Variants in UNC5D observed in about 807,000 individuals in gnomAD.
UNC5D encodes netrin receptor UNC5D.
UNC5D carries 39 observed loss-of-function variants against 105.4 expected under a neutral mutation model. The ratio of observed to expected loss-of-function variants is 0.37; its 90% CI spans 0.29 to 0.48. The LOEUF (loss-of-function observed/expected upper bound fraction) is 0.48. Ranked by LOEUF, UNC5D falls within the 20% of genes least tolerant of loss-of-function variation. UNC5D has a pLI of 0.98. For synonymous variants in UNC5D, 452 were observed against 450.4 expected (o/e 1.00, Z -0.04); for missense variants, 991 against 1,202.4 (o/e 0.82, Z 2.60).
intron 1 of UNC5D, among the ~76,000 whole-genome samples, chr8:35,388,076 T>A (rs1344524300): frequency 6.6e-6 from 1 of 152,082 alleles, no homozygotes; most frequent in Non-Finnish European, 1.5e-5. Flanking sequence ...CAGATTTTTA[T>A]TAAGAAGGAA....
At position 35,753,213 on chromosome 8, in the gene UNC5D, A is replaced by G. The variant is rs1586589185; in HGVS notation, c.2163+2404A>G. Among the ~76,000 whole-genome samples, 3 of 152,298 alleles carry G rather than the reference A, an allele frequency of 2.0e-5. No individual in the cohort carries two copies. In the South Asian group the frequency reaches 6.2e-4, roughly 32 times the overall value. On this transcript the variant is annotated intron_variant, in intron 13 of 16. Transcript: ENST00000404895. ...AGAATCTTTTTAGACAGTGCTAGGGAGAATGTTATTCTCCCTCTAATTGAA... is the reference window on the plus strand; with the variant it reads ...AGAATCTTTTTAGACAGTGCTAGGGGGAATGTTATTCTCCCTCTAATTGAA...
At chr8:35,752,855 T>C (rs566680359) in intron 13 of UNC5D, among the ~76,000 whole-genome samples, 40 of 152,292 alleles carry the variant, frequency 2.6e-4, no homozygotes, top group Non-Finnish European at 1.5e-4. Context: ...CCATGGAGCA[T>C]CATGGAAGAT....
chr8:35,415,543 C>T (rs1183114141), intron 1 of UNC5D, among the ~76,000 whole-genome samples: 4 of 152,088 alleles, frequency 2.6e-5, no homozygotes, highest in South Asian at 2.1e-4. Context: ...TTTCTTGAAT[C>T]GTCTCCCCCT....
chr8:35,699,919 T>C (rs1827067863), intron 7 of UNC5D, among the ~76,000 whole-genome samples: 1 of 152,232 alleles, frequency 6.6e-6, no homozygotes, highest in Non-Finnish European at 1.5e-5. Flanking sequence ...TCTGCATTTT[T>C]AATCACTGAA....
intron 13 of UNC5D, among the ~76,000 whole-genome samples, chr8:35,757,632 G>T (rs925812827): frequency 6.6e-6 from 1 of 152,112 alleles, no homozygotes. Flanking sequence ...TCACAACATT[G>T]TAAGTTTCCT....
rs542110161 is a variant in UNC5D at position 35,424,574 on chromosome 8, A to T, written c.104-124718A>T. Among the ~76,000 whole-genome samples, 5 of 152,174 alleles carry T rather than the reference A, an allele frequency of 3.3e-5. No homozygotes were observed. The South Asian group carries it at 1.0e-3, about 32-fold the overall frequency. On this transcript the variant is annotated intron_variant, in intron 1 of 16. Coordinates refer to ENST00000404895, the MANE Select transcript of UNC5D (RefSeq NM_080872.4). ...AATCTTCTACAAAGCTTTAAAAAACAAGATTCCCTAGACCCCATTCCTAGA... is the reference window on the plus strand; with the variant it reads ...AATCTTCTACAAAGCTTTAAAAAACTAGATTCCCTAGACCCCATTCCTAGA...
At chr8:35,678,570 C>T (rs983758270) in intron 4 of UNC5D, among the ~76,000 whole-genome samples, 2 of 152,052 alleles carry the variant, frequency 1.3e-5, no homozygotes, top group African/African-American at 4.8e-5. Flanking sequence ...CCAATGTTTA[C>T]GTTAAGCATA....
intron 1 of UNC5D, among the ~76,000 whole-genome samples, chr8:35,295,443 A>G (rs939883535): frequency 6.6e-6 from 1 of 152,194 alleles, no homozygotes; most frequent in Non-Finnish European, 1.5e-5. Context: ...AAACATCTGC[A>G]TATAAGTGGA....
chr8:35,235,976 C>T (rs912554756), intron 1 of UNC5D, 89 bp downstream of exon 1: 1 of 1,135,032 alleles, frequency 8.8e-7, no homozygotes, highest in African/African-American at 1.6e-5. Flanking sequence ...GCGTTGGCTT[C>T]CCAACTTGCG....
At chr8:35,294,260 C>T (rs1318283772) in intron 1 of UNC5D, among the ~76,000 whole-genome samples, 1 of 152,200 alleles carries the variant, frequency 6.6e-6, no homozygotes, top group East Asian at 1.9e-4. Flanking sequence ...AATTTCTTCT[C>T]TTCTTTACTA....
intron 1 of UNC5D, among the ~76,000 whole-genome samples, chr8:35,487,802 G>A (rs1484597414): frequency 6.6e-6 from 1 of 152,162 alleles, no homozygotes; most frequent in Non-Finnish European, 1.5e-5. Context: ...GGACATAAAA[G>A]GAGCTTCTGA....
intron 4 of UNC5D, among the ~76,000 whole-genome samples, chr8:35,667,479 CA>C (rs1178869869): frequency 6.6e-6 from 1 of 152,124 alleles, no homozygotes; most frequent in Non-Finnish European, 1.5e-5. Context: ...CTTCTACTGA[CA>C]ACTAACTGGC....
At chr8:35,286,222 A>G (rs2128856201) in intron 1 of UNC5D, among the ~76,000 whole-genome samples, 1 of 152,274 alleles carries the variant, frequency 6.6e-6, no homozygotes, top group East Asian at 1.9e-4. Context: ...TGACACCAAC[A>G]AGATGGTGGA....
Position 35,795,313 on chromosome 8 carries a change from A to G in UNC5D, c.*4750A>G, listed in dbSNP as rs374242908. 43 of 152,332 alleles carry G rather than the reference A, an allele frequency of 2.8e-4. 1 individual carries two copies. Among genetic ancestry groups the G allele is most frequent in the African/African-American group, 9.9e-4 (41 of 41,578 alleles). 9.4% of individuals were successfully genotyped at this position (152,332 alleles called of 1,614,324 possible). A position where few individuals can be genotyped will look rare whatever the true frequency, so the allele number is the denominator to read the frequency against. On this transcript the variant is annotated 3_prime_UTR_variant, in exon 17 of 17. Coordinates refer to ENST00000404895, the MANE Select transcript of UNC5D (RefSeq NM_080872.4). ...CACAAAAGGCATGATTACAATGGAA[A>G]TGCCCCTTTGCCTCCAGTTTTGCTA...
intron 1 of UNC5D, among the ~76,000 whole-genome samples, chr8:35,429,971 A>G (rs932473620): frequency 4.5e-4 from 68 of 152,270 alleles, no homozygotes; most frequent in African/African-American, 1.4e-3. Context: ...ATATTGTGAA[A>G]TATATATTTG....
intron 4 of UNC5D, among the ~76,000 whole-genome samples, chr8:35,637,499 C>T (rs561335892): frequency 1.3e-5 from 2 of 152,202 alleles, no homozygotes; most frequent in Admixed American, 1.3e-4. Context: ...ATAATGAGCC[C>T]ATTTTAGGGA....
intron 4 of UNC5D, among the ~76,000 whole-genome samples, chr8:35,647,388 T>TTGTGTGTG (rs10630575): frequency 2.4e-4 from 36 of 147,430 alleles, no homozygotes; most frequent in African/African-American, 5.2e-4. Flanking sequence ...TCCTGTGTAT[T>TTGTGTGTG]TGTGTGTGTG....
intron 1 of UNC5D, among the ~76,000 whole-genome samples, chr8:35,513,834 T>C (rs1190027817): frequency 6.6e-6 from 1 of 152,216 alleles, no homozygotes; most frequent in Non-Finnish European, 1.5e-5. Context: ...AACAGGTTCT[T>C]TTAAAATCCA....
intron 1 of UNC5D, among the ~76,000 whole-genome samples, chr8:35,246,400 G>T (rs1235637940): frequency 6.6e-6 from 1 of 152,074 alleles, no homozygotes; most frequent in Non-Finnish European, 1.5e-5. Flanking sequence ...AACTATAAGA[G>T]AAATCTATTT....
Sources: gnomAD v4.1 joint callset for allele counts (sites outside exome capture counted in the v4.1 genomes callset) on GRCh38, gnomAD v4.1.1 for gene constraint, MANE v1.5 for transcripts, NCBI Gene and HGNC (gene_info 2026-07-23, HGNC 2026-07-21) for gene names.